Variants in CLEC12A observed in about 807,000 individuals in gnomAD.
CLEC12A encodes C-type lectin domain family 12 member A.
In CLEC12A, 22 loss-of-function variants were observed where a neutral mutation model predicts 26.5. The ratio of observed to expected loss-of-function variants is 0.83; its 90% CI spans 0.59 to 1.19. The LOEUF is 1.19. Among genes scored for constraint, CLEC12A ranks in the 50% most tolerant of loss-of-function variants. CLEC12A has a pLI of 0.00. For synonymous variants in CLEC12A, 119 were observed against 101.9 expected, an observed-to-expected ratio of 1.17 and a Z score of -1.01; for missense variants, 353 against 315.6, an observed-to-expected ratio of 1.12 and a Z score of -0.90.
chr12:9,996,854 T>G, downstream of CLEC12A: 2 of 1,614,054 alleles, frequency 1.2e-6, no homozygotes, highest in South Asian at 2.2e-5. Flanking sequence ...ACCACAATGT[T>G]CCGGTTGTCA....
chr12:9,978,050 T>TTTACTATTTA (rs1864406425), intron 1 of CLEC12A, among the ~76,000 whole-genome samples: 1 of 152,158 alleles, frequency 6.6e-6, no homozygotes, highest in African/African-American at 2.4e-5. Flanking sequence ...TAAGTTAAGT[T>TTTACTATTTA]TTACTATTTA....
intron 1 of CLEC12A, among the ~76,000 whole-genome samples, chr12:9,973,678 G>C (rs111880296): frequency 8.7e-4 from 132 of 151,946 alleles, no homozygotes; most frequent in African/African-American, 3.1e-3. Flanking sequence ...ATCCTACCAT[G>C]TCCTTACTGA....
In CLEC12A at chr12:9,984,883, G is replaced by A. The variant is rs745506049; in HGVS notation, c.655G>A (p.Ala219Thr). Residue 219 changes from alanine (A) to threonine (T), a missense_variant, in exon 6 of 6, where the codon GCA becomes ACA. By Grantham distance (58) the Ala-to-Thr change is moderately conservative. Coordinates refer to ENST00000304361, the MANE Select transcript of CLEC12A (RefSeq NM_138337.6). ...TTTCTCTTTCAGGGTTATAAGAAAC[G>A]CACCTGACTTAAATAACATGTATTG... The part of the protein sequence containing the change: ...INSSAWVIRN[A>T]PDLNNMYCGY... 16 of 1,513,886 alleles carry A rather than the reference G, an allele frequency of 1.1e-5. No homozygotes were observed. Among genetic ancestry groups the A allele is most frequent in the African/African-American group, 1.4e-5 (1 of 71,068 alleles). 93.8% of individuals were successfully genotyped at this position (1,513,886 alleles called of 1,614,324 possible). A position where few individuals can be genotyped will look rare whatever the true frequency, so the allele number is the denominator to read the frequency against.
chr12:9,982,063 G>C lies in CLEC12A; in HGVS notation c.575G>C (p.Gly192Ala). ...SQSRSYDYWLGLSPEEDSTRG... is the reference protein window; with the variant it reads ...SQSRSYDYWLALSPEEDSTRG... The stretch of plus-strand genomic sequence containing the variant: ...AGTAGATCATATGACTATTGGCTGG[G>C]ATTATCTCCTGAAGAAGATTCCACT... Residue 192 changes from glycine (G) to alanine (A), a missense_variant, in exon 5 of 6, where the codon GGA becomes GCA. Gly to Ala is a moderately conservative substitution (Grantham distance 60). Coordinates refer to ENST00000304361, the MANE Select transcript of CLEC12A (RefSeq NM_138337.6). 1.2e-6 allele frequency: 2 copies of C among 1,600,756 alleles called. No homozygotes were observed. Among genetic ancestry groups the C allele is most frequent in the Non-Finnish European group, 1.7e-6 (2 of 1,168,798 alleles).
intron 1 of CLEC12A, among the ~76,000 whole-genome samples, chr12:9,963,287 G>A (rs1021077809): frequency 6.8e-6 from 1 of 146,240 alleles, no homozygotes; most frequent in Non-Finnish European, 1.5e-5. Context: ...CATACACCAG[G>A]CCAGATTGAT....
In CLEC12A at chr12:9,982,106, T is replaced by G; in HGVS notation, c.618T>G (p.Asp206Glu). The G allele has an allele frequency of 6.3e-7, 1 of 1,577,542 alleles. No homozygotes were observed. ...ATTCCACTCGTGGTATGAGAGTGGA[T>G]AATATAATCAACTCCTCTGCCTGGT... is the stretch of plus-strand genomic sequence containing the variant. ...EEDSTRGMRVDNIINSSAWVI... is the reference protein window; with the variant it reads ...EEDSTRGMRVENIINSSAWVI... Residue 206 changes from aspartate to glutamate, a missense_variant, in exon 5 of 6, where the codon GAT becomes GAG. Transcript: ENST00000304361.
upstream of CLEC12A, among the ~76,000 whole-genome samples, chr12:9,967,000 G>C (rs554328210): frequency 1.1e-4 from 17 of 151,666 alleles, no homozygotes; most frequent in South Asian, 3.1e-3. Flanking sequence ...CTTTTTAAGA[G>C]GAAATTGCTG....
intron 1 of CLEC12A, among the ~76,000 whole-genome samples, chr12:9,973,067 G>C (rs1248110940): frequency 6.6e-6 from 1 of 151,942 alleles, no homozygotes; most frequent in Non-Finnish European, 1.5e-5. Context: ...TCATTATCGA[G>C]CTTAGAATCT....
exon 5 of CLEC12A, chr12:9,995,246 C>G (rs887513717): frequency 5.0e-6 from 8 of 1,610,264 alleles, no homozygotes; most frequent in Non-Finnish European, 5.9e-6. Flanking sequence ...TTGATGTACT[C>G]CTATTGTAAA....
In CLEC12A at chr12:9,972,704, A is replaced by G. The variant is rs185762850; in HGVS notation, c.91+1017A>G. On this transcript the variant is annotated intron_variant, in intron 1 of 5. Transcript: ENST00000304361. Reference sequence around the variant, plus strand: ...CTATAAACAGAAATTTCACTGTTACATCTTGGATCCATTTATGATGAGCAT... The same window carrying G: ...CTATAAACAGAAATTTCACTGTTACGTCTTGGATCCATTTATGATGAGCAT... Among the ~76,000 whole-genome samples, 5 of 152,348 alleles carry G rather than the reference A, an allele frequency of 3.3e-5. 1 individual carries two copies. The highest frequency in any genetic ancestry group is 2.6e-4 in the Admixed American group (4 of 15,308).
chr12:10,003,343 T>G, the CLEC12A span, among the ~76,000 whole-genome samples: 1 of 152,142 alleles, frequency 6.6e-6, no homozygotes. Flanking sequence ...CCGACCAAAA[T>G]TACAGCAGAG....
chr12:9,982,200 G>A (rs1864588250), intron 5 of CLEC12A, 71 bp downstream of exon 5: 2 of 762,964 alleles, frequency 2.6e-6, no homozygotes. Context: ...GAGCACTGTA[G>A]ATTCAAATTA....
Position 9,985,190 on chromosome 12 carries a change from T to G in CLEC12A, c.*164T>G, listed in dbSNP as rs1413438480. 6 of 677,474 alleles carry G rather than the reference T, an allele frequency of 8.9e-6. No individual in the cohort carries two copies. The highest frequency in any genetic ancestry group is 1.3e-5 in the Non-Finnish European group (6 of 466,390). The allele number at this position is 677,474 out of a possible 1,614,324, so 42.0% of individuals were successfully genotyped here. ...AGCAAGCTTCAGAGAGAATAGACTG[T>G]GAATGTTAATGCCAGAGAGGTATAA... On this transcript the variant is annotated 3_prime_UTR_variant, in exon 6 of 6. Transcript: ENST00000304361.
chr12:9,976,851 T>C (rs1864356998), intron 1 of CLEC12A, among the ~76,000 whole-genome samples: 1 of 152,144 alleles, frequency 6.6e-6, no homozygotes, highest in Non-Finnish European at 1.5e-5. Context: ...GCTGTTCCTG[T>C]GATAGTGAAT....
At chr12:9,954,638 C>G (rs1011711028) in intron 1 of CLEC12A, among the ~76,000 whole-genome samples, 1 of 152,182 alleles carries the variant, frequency 6.6e-6, no homozygotes, top group Non-Finnish European at 1.5e-5. Context: ...TATCTCATGG[C>G]TGGAATTTAA....
At chr12:9,960,730 AC>A (rs1863814248) in intron 1 of CLEC12A, among the ~76,000 whole-genome samples, 1 of 152,150 alleles carries the variant, frequency 6.6e-6, no homozygotes, top group East Asian at 1.9e-4. Flanking sequence ...ATAGAAATGG[AC>A]CCTGTCTGGT....
chr12:9,985,735 A>C (rs1476780421), downstream of CLEC12A: 4 of 333,848 alleles, frequency 1.2e-5, no homozygotes, highest in African/African-American at 8.5e-5. Context: ...GTTTATCTCC[A>C]TAACTCATAA....
chr12:9,985,370 G>T lies in CLEC12A; in HGVS notation c.*344G>T. 2.5e-6 allele frequency: 1 copy of T among 399,714 alleles called. No homozygotes were observed. The highest frequency in any genetic ancestry group is 3.6e-5 in the East Asian group (1 of 28,032). The allele number at this position is 399,714 out of a possible 1,614,324, so 24.8% of individuals were successfully genotyped here. ...TTGCCAGAGGCAACATCAAAAACCA[G>T]CAAATTTTAATTTTGTCCCACAGCG... On this transcript the variant is annotated 3_prime_UTR_variant, in exon 6 of 6. Transcript: ENST00000304361.
chr12:9,970,316 T>G (rs643003), upstream of CLEC12A, among the ~76,000 whole-genome samples: 84,543 of 151,882 alleles, frequency 0.56, 23,845 homozygotes, highest in South Asian at 0.72. Context: ...CTATTTATTT[T>G]TAGTAGCTCT....
Sources: allele counts gnomAD v4.1 joint callset (sites outside exome capture counted in the v4.1 genomes callset), GRCh38; gene constraint gnomAD v4.1.1; transcripts MANE v1.5; gene names NCBI Gene and HGNC (gene_info 2026-07-23, HGNC 2026-07-21).